The following TAFA2 variants were observed in gnomAD, a reference collection of about 807,000 sequenced individuals.
The protein encoded by TAFA2 is TAFA chemokine like family member 2, also known as chemokine-like protein TAFA-2.
TAFA2 carries 7 observed loss-of-function variants against 18.8 expected under a neutral mutation model. The observed-to-expected ratio is 0.37, with a 90% CI of 0.21 to 0.70. The LOEUF (loss-of-function observed/expected upper bound fraction) is 0.70, where lower values mean the gene tolerates loss of function less well. Ranked by LOEUF, TAFA2 falls within the 30% of genes least tolerant of loss-of-function variation. The probability of loss-of-function intolerance (pLI) is 0.53; values close to 1 mark genes in which losing one functional copy is unlikely to be tolerated. For synonymous variants in TAFA2, 60 were observed against 54.2 expected, an observed-to-expected ratio of 1.11 and a Z score of -0.47; for missense variants, 122 against 158.1, an observed-to-expected ratio of 0.77 and a Z score of 1.23.
chr12:61,717,679 A>C (rs891905083), intron 4 of TAFA2, among the ~76,000 whole-genome samples: 1 of 152,172 alleles, frequency 6.6e-6, no homozygotes, highest in African/African-American at 2.4e-5. Context: ...TTCTGTAGCT[A>C]ACTGATTATA....
intron 1 of TAFA2, among the ~76,000 whole-genome samples, chr12:61,905,396 A>T (rs1876302635): frequency 1.3e-5 from 2 of 152,194 alleles, no homozygotes; most frequent in South Asian, 4.1e-4. Flanking sequence ...TTACCCTAAC[A>T]TCAAGATTCT....
At chr12:62,046,238 A>G (rs1464922748) in intron 1 of TAFA2, among the ~76,000 whole-genome samples, 1 of 152,164 alleles carries the variant, frequency 6.6e-6, no homozygotes, top group Non-Finnish European at 1.5e-5. Context: ...TATCAGAGCT[A>G]GAAAAATGAG....
At chr12:62,226,533 G>A (rs952091029) in intron 1 of TAFA2, among the ~76,000 whole-genome samples, 4 of 151,986 alleles carry the variant, frequency 2.6e-5, no homozygotes, top group Non-Finnish European at 4.4e-5. Flanking sequence ...TCCACTCTCT[G>A]GGCCTTAACT....
chr12:62,159,555 A>G (rs1316687330), intron 1 of TAFA2, among the ~76,000 whole-genome samples: 1 of 152,214 alleles, frequency 6.6e-6, no homozygotes, highest in East Asian at 1.9e-4. Flanking sequence ...GCATTTTCCA[A>G]CAAGTCTCAG....
intron 1 of TAFA2, among the ~76,000 whole-genome samples, chr12:62,033,910 A>C (rs1881530484): frequency 6.6e-6 from 1 of 152,192 alleles, no homozygotes; most frequent in Non-Finnish European, 1.5e-5. Flanking sequence ...ATGAATACAA[A>C]GTTTGTATTT....
chr12:61,953,234 A>G (rs1878531139), intron 1 of TAFA2, among the ~76,000 whole-genome samples: 1 of 152,284 alleles, frequency 6.6e-6, no homozygotes, highest in African/African-American at 2.4e-5. Flanking sequence ...CCTTAAAAAA[A>G]ACCCAAAAAC....
chr12:61,752,538 G>T (rs1869067204), intron 4 of TAFA2, among the ~76,000 whole-genome samples: 1 of 151,970 alleles, frequency 6.6e-6, no homozygotes, highest in Non-Finnish European at 1.5e-5. Flanking sequence ...AATTGATCAT[G>T]CATCCAATGG....
chr12:62,238,159 A>G (rs2062846469), intron 1 of TAFA2, among the ~76,000 whole-genome samples: 1 of 152,182 alleles, frequency 6.6e-6, no homozygotes, highest in African/African-American at 2.4e-5. Flanking sequence ...ATAGTGTGGA[A>G]ACAATGGGTT....
At chr12:61,768,422 C>T (rs777684618) in intron 2 of TAFA2, among the ~76,000 whole-genome samples, 18 of 152,070 alleles carry the variant, frequency 1.2e-4, no homozygotes, top group Admixed American at 7.2e-4. Flanking sequence ...CAGGGACATA[C>T]CAGGAAAGCT....
intron 1 of TAFA2, among the ~76,000 whole-genome samples, chr12:62,197,983 G>A (rs2062655722): frequency 1.3e-5 from 2 of 152,086 alleles, no homozygotes; most frequent in Admixed American, 1.3e-4. Context: ...TGAAATGGCT[G>A]GATCATATGG....
At position 61,873,753 on chromosome 12, in the gene TAFA2, A is replaced by G. The variant is rs181829292; in HGVS notation, c.-1-6327T>C. 5.8e-4 allele frequency among the ~76,000 whole-genome samples: 89 copies of G among 152,258 alleles called. No individual in the cohort carries two copies. In the East Asian group the frequency reaches 0.013, roughly 22 times the overall value. On this transcript the variant is annotated intron_variant, in intron 1 of 4. Transcript: ENST00000416284. ...GACTACACTGTTGCTTTTATCCAAA[A>G]TCATGTCTAACCTGACTAGAATTTT...
At chr12:62,144,595 C>T (rs1281422901) in intron 1 of TAFA2, among the ~76,000 whole-genome samples, 2 of 152,214 alleles carry the variant, frequency 1.3e-5, no homozygotes, top group African/African-American at 4.8e-5. Flanking sequence ...TACTGATTTG[C>T]CTCTTGGGGA....
At chr12:61,821,728 G>A (rs942654611) in intron 2 of TAFA2, among the ~76,000 whole-genome samples, 4 of 152,072 alleles carry the variant, frequency 2.6e-5, no homozygotes, top group African/African-American at 9.7e-5. Context: ...TGACTTTATG[G>A]AATTTAAGTT....
At chr12:61,769,049 C>G (rs1375657507) in intron 2 of TAFA2, among the ~76,000 whole-genome samples, 2 of 151,914 alleles carry the variant, frequency 1.3e-5, no homozygotes, top group African/African-American at 4.8e-5. Flanking sequence ...TGGAAGCTGG[C>G]TGAGGCCTGT....
chr12:61,913,323 T>C (rs1018094197), intron 1 of TAFA2, among the ~76,000 whole-genome samples: 1 of 152,200 alleles, frequency 6.6e-6, no homozygotes, highest in African/African-American at 2.4e-5. Flanking sequence ...GGAATCTGCA[T>C]CTTCACCTGA....
At position 62,057,170 on chromosome 12, in the gene TAFA2, T is replaced by C. The variant is rs1039951068; in HGVS notation, c.-2+134089A>G. ...ATGTCTTCAATGCTCATAAAATGTT[T>C]CAAGTTTTCTATTTCTTCTTGAATT... is the stretch of plus-strand genomic sequence containing the variant. On this transcript the variant is annotated intron_variant, in intron 1 of 4. Transcript: ENST00000416284. Among the ~76,000 whole-genome samples, 4 of 152,364 alleles carry C rather than the reference T, an allele frequency of 2.6e-5. No individual in the cohort carries two copies. In the South Asian group the frequency reaches 8.3e-4, roughly 32 times the overall value.
chr12:61,748,170 A>T (rs1414356209), intron 4 of TAFA2, among the ~76,000 whole-genome samples: 1 of 152,080 alleles, frequency 6.6e-6, no homozygotes, highest in Non-Finnish European at 1.5e-5. Flanking sequence ...AGAGGGAGGG[A>T]AGATAATAAA....
At chr12:61,717,718 G>A (rs1869723427) in intron 4 of TAFA2, among the ~76,000 whole-genome samples, 1 of 152,158 alleles carries the variant, frequency 6.6e-6, no homozygotes. Flanking sequence ...TGAGTCTCCA[G>A]ACTTGGCATA....
At chr12:61,743,306 C>G (rs1281874661) in intron 4 of TAFA2, among the ~76,000 whole-genome samples, 1 of 152,076 alleles carries the variant, frequency 6.6e-6, no homozygotes, top group Non-Finnish European at 1.5e-5. Context: ...GAGGAAATTA[C>G]TGTTTCTTAA....
Sources: gnomAD v4.1 joint callset for allele counts (sites outside exome capture counted in the v4.1 genomes callset) on GRCh38, gnomAD v4.1.1 for gene constraint, MANE v1.5 for transcripts, NCBI Gene and HGNC (gene_info 2026-07-23, HGNC 2026-07-21) for gene names.